CNTNAP2: variants seen among roughly 807,000 people sequenced by gnomAD.
CNTNAP2 encodes contactin-associated protein-like 2.
In CNTNAP2, 98 loss-of-function variants were observed where a neutral mutation model predicts 155.2. The ratio of observed to expected loss-of-function variants is 0.63; its 90% CI spans 0.54 to 0.75. The LOEUF (loss-of-function observed/expected upper bound fraction) is 0.75. Ranked by LOEUF, CNTNAP2 falls within the 30% of genes least tolerant of loss-of-function variation. The probability of loss-of-function intolerance (pLI) is 0.00; values close to 1 mark genes in which losing one functional copy is unlikely to be tolerated. For synonymous variants in CNTNAP2, 651 were observed against 631.2 expected, an observed-to-expected ratio of 1.03 and a Z score of -0.47; for missense variants, 1,727 against 1,688.1, an observed-to-expected ratio of 1.02 and a Z score of -0.40.
chr7:146,518,416 A>C (rs1158179672), intron 1 of CNTNAP2, among the ~76,000 whole-genome samples: 2 of 151,924 alleles, frequency 1.3e-5, no homozygotes, highest in African/African-American at 2.4e-5. Context: ...TTACGCATCC[A>C]GTAAATTTTT....
At chr7:146,462,688 T>C (rs1429693314) in intron 1 of CNTNAP2, among the ~76,000 whole-genome samples, 2 of 152,158 alleles carry the variant, frequency 1.3e-5, no homozygotes, top group Non-Finnish European at 2.9e-5. Flanking sequence ...GATTTTTTAG[T>C]CAAAATATAT....
At chr7:147,285,985 C>A in intron 8 of CNTNAP2, among the ~76,000 whole-genome samples, 1 of 152,010 alleles carries the variant, frequency 6.6e-6, no homozygotes. Context: ...TATAGAGAAG[C>A]GTTTTCTAGA....
At chr7:147,032,257 A>T (rs563544855) in intron 3 of CNTNAP2, among the ~76,000 whole-genome samples, 4 of 152,342 alleles carry the variant, frequency 2.6e-5, no homozygotes, top group African/African-American at 9.6e-5. Flanking sequence ...ATGTATTATG[A>T]TATAGGTAAG....
At chr7:148,307,353 T>C (rs1797507802) in intron 21 of CNTNAP2, among the ~76,000 whole-genome samples, 1 of 152,090 alleles carries the variant, frequency 6.6e-6, no homozygotes, top group Non-Finnish European at 1.5e-5. Flanking sequence ...AACACACATA[T>C]CCAGTGGAAA....
intron 1 of CNTNAP2, among the ~76,000 whole-genome samples, chr7:146,497,951 CAT>C (rs886502572): frequency 2.0e-5 from 3 of 150,294 alleles, no homozygotes; most frequent in East Asian, 2.0e-4. Context: ...ATAGAATAAA[CAT>C]ATATATAATT....
At chr7:146,873,864 G>A (rs1449690396) in intron 3 of CNTNAP2, among the ~76,000 whole-genome samples, 1 of 151,910 alleles carries the variant, frequency 6.6e-6, no homozygotes, top group Non-Finnish European at 1.5e-5. Flanking sequence ...ATGTGGAGGT[G>A]GAGGATCTTC....
At chr7:146,806,268 G>A (rs778427990) in intron 2 of CNTNAP2, among the ~76,000 whole-genome samples, 1 of 151,714 alleles carries the variant, frequency 6.6e-6, no homozygotes, top group African/African-American at 2.4e-5. Context: ...GAGGTGGGTG[G>A]ATCACCAAGG....
intron 18 of CNTNAP2, among the ~76,000 whole-genome samples, chr7:148,196,629 C>T (rs542503537): frequency 1.6e-4 from 25 of 152,248 alleles, no homozygotes; most frequent in East Asian, 5.8e-4. Flanking sequence ...TTTTAATAGA[C>T]CCATTTTACT....
chr7:147,946,788 T>G (rs547205928), intron 14 of CNTNAP2, among the ~76,000 whole-genome samples: 1 of 152,120 alleles, frequency 6.6e-6, no homozygotes. Flanking sequence ...TAGAGGCAAA[T>G]GGGAAGCTCC....
chr7:148,296,445 G>T (rs1462142184), intron 21 of CNTNAP2, among the ~76,000 whole-genome samples: 1 of 149,272 alleles, frequency 6.7e-6, no homozygotes, highest in African/African-American at 2.5e-5. Flanking sequence ...TACTCGGGAG[G>T]CTGAGGCATG....
intron 18 of CNTNAP2, among the ~76,000 whole-genome samples, chr7:148,184,066 G>A (rs2972102): frequency 0.73 from 111,630 of 152,048 alleles, 41,304 homozygotes; most frequent in East Asian, 0.86. Flanking sequence ...TATGAACCTA[G>A]TGGACACCTT....
At chr7:147,662,713 G>T (rs1486930061) in intron 13 of CNTNAP2, among the ~76,000 whole-genome samples, 1 of 151,990 alleles carries the variant, frequency 6.6e-6, no homozygotes, top group Non-Finnish European at 1.5e-5. Flanking sequence ...CATTCCTTTG[G>T]GCTAGTACAC....
At chr7:146,893,034 A>G (rs1263262501) in intron 3 of CNTNAP2, among the ~76,000 whole-genome samples, 1 of 152,170 alleles carries the variant, frequency 6.6e-6, no homozygotes, top group Non-Finnish European at 1.5e-5. Context: ...AAAAATATAT[A>G]TTGTTTGTAA....
At chr7:146,766,088 A>C (rs1327699935) in intron 1 of CNTNAP2, among the ~76,000 whole-genome samples, 1 of 152,166 alleles carries the variant, frequency 6.6e-6, no homozygotes, top group Non-Finnish European at 1.5e-5. Context: ...GCATGGCAAA[A>C]TCTGATGCCC....
intron 1 of CNTNAP2, among the ~76,000 whole-genome samples, chr7:146,710,043 A>T (rs1801036195): frequency 1.3e-5 from 2 of 152,204 alleles, no homozygotes; most frequent in Admixed American, 1.3e-4. Flanking sequence ...GATCTGAATG[A>T]AAAGGGCTGT....
At chr7:146,861,327 A>G (rs889470412) in intron 3 of CNTNAP2, among the ~76,000 whole-genome samples, 1 of 152,176 alleles carries the variant, frequency 6.6e-6, no homozygotes, top group Non-Finnish European at 1.5e-5. Context: ...TGCTGGGACT[A>G]TAGGCATGAG....
intron 12 of CNTNAP2, among the ~76,000 whole-genome samples, chr7:147,592,143 CA>C (rs758631540): frequency 1.3e-5 from 2 of 152,136 alleles, no homozygotes; most frequent in Non-Finnish European, 2.9e-5. Context: ...TTTATTCTTA[CA>C]TCTTTAGTGC....
intron 6 of CNTNAP2, among the ~76,000 whole-genome samples, chr7:147,123,938 A>T (rs1801173074): frequency 6.6e-6 from 1 of 152,168 alleles, no homozygotes; most frequent in South Asian, 2.1e-4. Context: ...GCTACTTGGG[A>T]GGCTGAGGCA....
chr7:147,027,696 A>G (rs1798949411), intron 3 of CNTNAP2, among the ~76,000 whole-genome samples: 1 of 152,120 alleles, frequency 6.6e-6, no homozygotes, highest in Non-Finnish European at 1.5e-5. Flanking sequence ...AGAGCATTCT[A>G]AGAGCTCTCA....
Sources: allele counts gnomAD v4.1 joint callset (sites outside exome capture counted in the v4.1 genomes callset), GRCh38; gene constraint gnomAD v4.1.1; transcripts MANE v1.5; gene names NCBI Gene and HGNC (gene_info 2026-07-23, HGNC 2026-07-21).